The following KDM6A variants were observed in gnomAD, a reference collection of about 807,000 sequenced individuals.
KDM6A encodes the protein lysine-specific demethylase 6A.
A neutral mutation model predicts 117.6 loss-of-function variants in KDM6A; 11 were observed. That is an observed-to-expected ratio of 0.09 (90% CI 0.06 to 0.15). The LOEUF is 0.15. Ranked by LOEUF, KDM6A falls within the 10% of genes least tolerant of loss-of-function variation. The probability of loss-of-function intolerance (pLI) is 1.00; values close to 1 mark genes in which losing one functional copy is unlikely to be tolerated. For synonymous variants in KDM6A, 384 were observed against 396.1 expected (o/e 0.97, Z 0.36); for missense variants, 799 against 1,077.3 (o/e 0.74, Z 3.62).
chrX:45,102,026 A>G lies in KDM6A; in HGVS notation c.4035-5384A>G, dbSNP rs763115586. Reference sequence around the variant, plus strand: ...TATAGAATCTGCTCTTGCCCACTCTACAGCTCTTTCTATGGTCTCTTAAAG... The same window carrying G: ...TATAGAATCTGCTCTTGCCCACTCTGCAGCTCTTTCTATGGTCTCTTAAAG... On this transcript the variant is annotated intron_variant, in intron 27 of 29. Transcript: ENST00000611820. 4.5e-5 allele frequency among the ~76,000 whole-genome samples: 5 copies of G among 111,747 alleles called. No homozygotes were observed. In the East Asian group the frequency reaches 1.4e-3, roughly 31 times the overall value.
At chrX:44,936,026 T>C (rs758022277) in intron 2 of KDM6A, among the ~76,000 whole-genome samples, 1 of 112,255 alleles carries the variant, frequency 8.9e-6, no homozygotes, top group East Asian at 2.8e-4. Flanking sequence ...AACTATAAAC[T>C]GGGTGATTGA....
At chrX:45,034,106 T>G (rs1303910921) in intron 6 of KDM6A, among the ~76,000 whole-genome samples, 1 of 111,439 alleles carries the variant, frequency 9.0e-6, no homozygotes, top group African/African-American at 3.3e-5. Flanking sequence ...TAGAAGAGTT[T>G]AAAGAGATTT....
At chrX:44,919,741 A>T (rs745643346) in intron 2 of KDM6A, among the ~76,000 whole-genome samples, 2 of 108,050 alleles carry the variant, frequency 1.9e-5, no homozygotes, top group Non-Finnish European at 3.8e-5. Flanking sequence ...CCCAGGTTCA[A>T]GCAATTCTCC....
chrX:44,926,931 G>A (rs112273863), intron 2 of KDM6A, among the ~76,000 whole-genome samples: 11,570 of 110,760 alleles, frequency 0.1, 561 homozygotes, highest in Non-Finnish European at 0.15. Flanking sequence ...ATTGTGTCTC[G>A]GTTTCCCAGT....
At chrX:44,963,052 C>T (rs983419801) in intron 3 of KDM6A, among the ~76,000 whole-genome samples, 6 of 112,233 alleles carry the variant, frequency 5.3e-5, no homozygotes, top group African/African-American at 9.7e-5. Context: ...GAAATGGAGT[C>T]AGTCCTCTCA....
chrX:44,920,882 T>C (rs1300240951), intron 2 of KDM6A, among the ~76,000 whole-genome samples: 4 of 104,554 alleles, frequency 3.8e-5, no homozygotes, highest in East Asian at 2.9e-4. Context: ...TTTTTCTTTT[T>C]TTTTTTTTTT....
intron 4 of KDM6A, among the ~76,000 whole-genome samples, chrX:45,003,763 C>A (rs1244233363): frequency 9.2e-6 from 1 of 108,261 alleles, no homozygotes; most frequent in Non-Finnish European, 1.9e-5. Context: ...TTGTCTCTGT[C>A]TCTTCCTCTC....
chrX:45,008,359 G>A, intron 4 of KDM6A, among the ~76,000 whole-genome samples: 1 of 111,072 alleles, frequency 9.0e-6, no homozygotes, highest in East Asian at 2.8e-4. Context: ...GGGCGACAGA[G>A]CGAAACTCCA....
chrX:45,029,708 A>G (rs2042529098), intron 6 of KDM6A, among the ~76,000 whole-genome samples: 1 of 111,110 alleles, frequency 9.0e-6, no homozygotes, highest in Non-Finnish European at 1.9e-5. Context: ...TGTATTAGTT[A>G]TTTGTGTACA....
intron 2 of KDM6A, among the ~76,000 whole-genome samples, chrX:44,901,116 C>T (rs1197967778): frequency 9.0e-6 from 1 of 111,472 alleles, no homozygotes; most frequent in African/African-American, 3.3e-5. Context: ...TGCAGTGGCT[C>T]ACGCCTGTTA....
intron 2 of KDM6A, among the ~76,000 whole-genome samples, chrX:44,878,684 ATAAC>A (rs745995644): frequency 2.7e-5 from 3 of 111,212 alleles, no homozygotes; most frequent in Non-Finnish European, 5.7e-5. Flanking sequence ...ACAAATTGAA[ATAAC>A]TAGAGAGCAT....
At chrX:45,041,300 G>T (rs868685364) in intron 8 of KDM6A, among the ~76,000 whole-genome samples, 1,220 of 84,834 alleles carry the variant, frequency 0.014, 37 homozygotes, top group African/African-American at 0.056. Flanking sequence ...CCGGGCGGGG[G>T]GCTGACCCCC....
intron 27 of KDM6A, among the ~76,000 whole-genome samples, chrX:45,096,365 G>A (rs1331280797): frequency 1.8e-5 from 2 of 111,632 alleles, no homozygotes; most frequent in East Asian, 5.6e-4. Flanking sequence ...AATGTTTATT[G>A]TGTACTGCAT....
intron 6 of KDM6A, among the ~76,000 whole-genome samples, chrX:45,026,658 C>T (rs1342022790): frequency 2.0e-5 from 2 of 101,541 alleles, no homozygotes; most frequent in Non-Finnish European, 2.0e-5. Context: ...GAAATCCCGT[C>T]TCTACTAAAA....
intron 2 of KDM6A, among the ~76,000 whole-genome samples, chrX:44,890,858 T>A (rs906397388): frequency 1.0e-4 from 11 of 109,173 alleles, no homozygotes; most frequent in Non-Finnish European, 3.8e-5. Flanking sequence ...TTTCACCATG[T>A]TGGCCAGGCT....
chrX:44,894,249 T>G (rs900211087), intron 2 of KDM6A, among the ~76,000 whole-genome samples: 1 of 112,070 alleles, frequency 8.9e-6, no homozygotes, highest in Non-Finnish European at 1.9e-5. Flanking sequence ...ATGAGTTCCC[T>G]TCTATTTCTG....
chrX:44,892,444 T>C (rs533611520), intron 2 of KDM6A, among the ~76,000 whole-genome samples: 4 of 111,102 alleles, frequency 3.6e-5, no homozygotes, highest in African/African-American at 1.3e-4. Flanking sequence ...ATCCCAGTAC[T>C]TTGGGAGGCC....
intron 2 of KDM6A, among the ~76,000 whole-genome samples, chrX:44,882,471 T>TCC (rs1295663224): frequency 8.9e-6 from 1 of 112,324 alleles, no homozygotes; most frequent in Non-Finnish European, 1.9e-5. Context: ...GTATGGAAGT[T>TCC]AAGAAATAAT....
intron 2 of KDM6A, among the ~76,000 whole-genome samples, chrX:44,937,981 CTT>C (rs1275941594): frequency 4.5e-5 from 5 of 111,203 alleles, no homozygotes; most frequent in African/African-American, 1.6e-4. Flanking sequence ...GCAGAGGAAA[CTT>C]TGTTTTTAAA....
Sources: allele counts gnomAD v4.1 joint callset (sites outside exome capture counted in the v4.1 genomes callset), GRCh38; gene constraint gnomAD v4.1.1; transcripts MANE v1.5; gene names NCBI Gene and HGNC (gene_info 2026-07-23, HGNC 2026-07-21).